Variants in GC observed in about 807,000 individuals in gnomAD.
GC encodes the protein GC vitamin D binding protein.
A neutral mutation model predicts 56.7 loss-of-function variants in GC; 43 were observed. That is an observed-to-expected ratio of 0.76 (90% CI 0.59 to 0.98). GC has a LOEUF of 0.98. Ranked by LOEUF, GC falls within the 50% of genes least tolerant of loss-of-function variation. The probability of loss-of-function intolerance (pLI) is 0.00; values close to 1 mark genes in which losing one functional copy is unlikely to be tolerated. For missense variants in GC, 529 were observed against 545.9 expected, an observed-to-expected ratio of 0.97 and a Z score of 0.31; for synonymous variants, 216 against 202.7, an observed-to-expected ratio of 1.07 and a Z score of -0.56.
chr4:71,748,410 T>C (rs1396300205), intron 11 of GC, among the ~76,000 whole-genome samples: 4 of 152,004 alleles, frequency 2.6e-5, no homozygotes, highest in Non-Finnish European at 5.9e-5. Context: ...TTTGTATTTG[T>C]CTCTGTGTTT....
At chr4:71,791,057 C>A (rs1742958011) in intron 1 of GC, among the ~76,000 whole-genome samples, 1 of 151,970 alleles carries the variant, frequency 6.6e-6, no homozygotes, top group African/African-American at 2.4e-5. Flanking sequence ...CCATCACTGG[C>A]CATCAGAGAA....
At chr4:71,760,972 T>G (rs1455408087) in intron 6 of GC, among the ~76,000 whole-genome samples, 1 of 152,092 alleles carries the variant, frequency 6.6e-6, no homozygotes, top group Non-Finnish European at 1.5e-5. Context: ...GAAAACAGAT[T>G]AATACAGTAA....
rs199843805 is a variant in GC, at chr4:71,768,364, T to C, written c.198A>G (p.Glu66=). The change falls in exon 3 of 13, where the codon GAA becomes GAG. Residue 66 remains glutamate, a synonymous_variant. Transcript: ENST00000273951. The part of the protein sequence containing the change: ...TFEQVSQLVK[E]VVSLTEACCA... ...AGCAGGCTTCGGTCAAGGAGACAACTTCCTTCACAAGTTGGCTGACCTGTT... is the reference window on the plus strand; with the variant it reads ...AGCAGGCTTCGGTCAAGGAGACAACCTCCTTCACAAGTTGGCTGACCTGTT... The C allele has an allele frequency of 1.9e-6, 3 of 1,613,422 alleles. No homozygotes were observed. The East Asian group carries it at 6.7e-5, about 36-fold the overall frequency.
rs768097606 is a variant in GC, at chr4:71,754,965, C to A, written c.1164+13G>T. ...GATCTATGTGCTTGATAAAGAAAAT[C>A]CAACAAATATACCTTAGCATTAAAA... On this transcript the variant is annotated intron_variant, in intron 9 of 12. Coordinates refer to ENST00000273951, the MANE Select transcript of GC (RefSeq NM_000583.4). 2.6e-6 allele frequency: 4 copies of A among 1,545,524 alleles called. No individual in the cohort carries two copies. Among genetic ancestry groups the A allele is most frequent in the East Asian group, 2.4e-5 (1 of 42,448 alleles).
chr4:71,784,229 G>A (rs1742776376), upstream of GC: 3 of 1,250,906 alleles, frequency 2.4e-6, no homozygotes, highest in Non-Finnish European at 3.0e-6. Context: ...TATCAATCAA[G>A]GTAAATAGAC....
In GC at chr4:71,755,124, AAGG is replaced by A; in HGVS notation, c.1035-20_1035-18del. On this transcript the variant is annotated intron_variant, in intron 8 of 12. Transcript: ENST00000273951. ...AATGTATACCTAGCATGAGGGAGAA[AAGG>A]AGATATGTGTTATATATTTCCTATT... 7.4e-6 allele frequency: 10 copies of A among 1,352,728 alleles called. No individual in the cohort carries two copies. Among genetic ancestry groups the A allele is most frequent in the Non-Finnish European group, 1.0e-5 (10 of 983,162 alleles). The allele number at this position is 1,352,728 out of a possible 1,614,324, so 83.8% of individuals were successfully genotyped here.
At chr4:71,758,891 A>G (rs1353066683) in intron 6 of GC, among the ~76,000 whole-genome samples, 1 of 152,176 alleles carries the variant, frequency 6.6e-6, no homozygotes, top group Non-Finnish European at 1.5e-5. Flanking sequence ...ATGCAAAACT[A>G]AAACTCTGTA....
At chr4:71,797,527 G>A (rs1014877183) in intron 1 of GC, among the ~76,000 whole-genome samples, 1 of 152,238 alleles carries the variant, frequency 6.6e-6, no homozygotes, top group Non-Finnish European at 1.5e-5. Flanking sequence ...TGGTCTGCTG[G>A]TTGCTGAGAC....
At chr4:71,760,049 T>G (rs1400540120) in intron 6 of GC, among the ~76,000 whole-genome samples, 4 of 150,136 alleles carry the variant, frequency 2.7e-5, no homozygotes, top group African/African-American at 4.9e-5. Flanking sequence ...TAGTTTTTTT[T>G]TTTTTTTTTT....
At chr4:71,750,864 G>A (rs188670143) in intron 11 of GC, among the ~76,000 whole-genome samples, 1 of 149,394 alleles carries the variant, frequency 6.7e-6, no homozygotes, top group Non-Finnish European at 1.5e-5. Flanking sequence ...CAGCCTGGGT[G>A]ACAGAACGGG....
intron 1 of GC, among the ~76,000 whole-genome samples, chr4:71,798,492 G>A (rs1026174853): frequency 2.0e-5 from 3 of 151,980 alleles, no homozygotes; most frequent in Admixed American, 2.0e-4. Flanking sequence ...CTTTCTATTG[G>A]TGCTTCAGTT....
At chr4:71,757,609 T>TGAC (rs35871580) in intron 7 of GC, among the ~76,000 whole-genome samples, 34,004 of 151,910 alleles carry the variant, frequency 0.22, 4,411 homozygotes, top group South Asian at 0.29. Context: ...ATAATGAAAA[T>TGAC]GATCTGTATT....
At chr4:71,781,580 T>A (rs560123457) in intron 1 of GC, among the ~76,000 whole-genome samples, 6 of 151,704 alleles carry the variant, frequency 4.0e-5, no homozygotes, top group Admixed American at 2.6e-4. Context: ...TAAAAAAAAA[T>A]TTTATAGCTG....
chr4:71,767,769 C>T (rs1210603315), intron 3 of GC, among the ~76,000 whole-genome samples: 1 of 151,770 alleles, frequency 6.6e-6, no homozygotes, highest in African/African-American at 2.4e-5. Flanking sequence ...TCACCGGAGC[C>T]GTGTACAGTG....
chr4:71,803,868 C>T, intron 1 of GC: 1 of 957,364 alleles, frequency 1.0e-6, no homozygotes. Context: ...TATAAGGAAA[C>T]TAAAGCTCAG....
At chr4:71,786,191 T>C (rs753966885), upstream of GC, among the ~76,000 whole-genome samples, 5 of 151,880 alleles carry the variant, frequency 3.3e-5, no homozygotes, top group Non-Finnish European at 5.9e-5. Flanking sequence ...TTCTCTTGGC[T>C]GAATTTTCTA....
At chr4:71,771,703 C>G (rs934920233) in intron 1 of GC, among the ~76,000 whole-genome samples, 1 of 152,140 alleles carries the variant, frequency 6.6e-6, no homozygotes, top group Non-Finnish European at 1.5e-5. Context: ...GTCTGAGAAC[C>G]TTCACATCTT....
intron 8 of GC, among the ~76,000 whole-genome samples, chr4:71,756,011 A>C (rs775009297): frequency 3.9e-5 from 6 of 152,098 alleles, no homozygotes; most frequent in Non-Finnish European, 8.8e-5. Context: ...TTTTTAACTT[A>C]CTTTTTTTTA....
intron 11 of GC, among the ~76,000 whole-genome samples, chr4:71,747,624 A>G (rs1344139175): frequency 1.3e-5 from 2 of 152,134 alleles, no homozygotes; most frequent in Admixed American, 6.5e-5. Context: ...TGACAGTCAT[A>G]TGGTACCATC....
Sources: allele counts gnomAD v4.1 joint callset (sites outside exome capture counted in the v4.1 genomes callset), GRCh38; gene constraint gnomAD v4.1.1; transcripts MANE v1.5; gene names NCBI Gene and HGNC (gene_info 2026-07-23, HGNC 2026-07-21).